The following TNRC6C variants were observed in gnomAD, a reference collection of about 807,000 sequenced individuals.
The protein encoded by TNRC6C is trinucleotide repeat-containing gene 6C protein.
A neutral mutation model predicts 153.7 loss-of-function variants in TNRC6C; 20 were observed. That is an observed-to-expected ratio of 0.13 (90% CI 0.09 to 0.19). TNRC6C has a LOEUF of 0.19. Ranked by LOEUF, TNRC6C falls within the 10% of genes least tolerant of loss-of-function variation. The probability of loss-of-function intolerance (pLI) is 1.00; values close to 1 mark genes in which losing one functional copy is unlikely to be tolerated. For missense variants in TNRC6C, 1,987 were observed against 2,172.0 expected, an observed-to-expected ratio of 0.91 and a Z score of 1.69; for synonymous variants, 811 against 841.4, an observed-to-expected ratio of 0.96 and a Z score of 0.63.
At chr17:78,045,972 A>AC (rs2072401399) in intron 2 of TNRC6C, among the ~76,000 whole-genome samples, 1 of 151,284 alleles carries the variant, frequency 6.6e-6, no homozygotes. Flanking sequence ...TCCCCATCCC[A>AC]CCCCCAGAGG....
At chr17:78,040,649 C>T (rs530700931) in intron 2 of TNRC6C, among the ~76,000 whole-genome samples, 1 of 152,286 alleles carries the variant, frequency 6.6e-6, no homozygotes, top group African/African-American at 2.4e-5. Context: ...AGCCAATAGG[C>T]AAAATGCCGT....
intron 1 of TNRC6C, among the ~76,000 whole-genome samples, chr17:77,996,050 A>G (rs568658650): frequency 2.0e-5 from 3 of 152,134 alleles, no homozygotes; most frequent in Non-Finnish European, 4.4e-5. Context: ...TTTAACCTGG[A>G]AGAAAGAGTG....
At chr17:78,093,407 G>A (rs778531489) in intron 15 of TNRC6C, 1 of 704,660 alleles carries the variant, frequency 1.4e-6, no homozygotes, top group Non-Finnish European at 2.3e-6. Context: ...CCAACCCTGT[G>A]TGAAAACTAG....
intron 10 of TNRC6C, among the ~76,000 whole-genome samples, chr17:78,081,262 A>G (rs1237376473): frequency 6.6e-6 from 1 of 151,284 alleles, no homozygotes; most frequent in African/African-American, 2.4e-5. Context: ...TTGGGTTTCA[A>G]CATAGGAATT....
intron 9 of TNRC6C, 42 bp downstream of exon 11, chr17:78,077,376 C>A: frequency 6.4e-7 from 1 of 1,554,006 alleles, no homozygotes; most frequent in Non-Finnish European, 8.7e-7. Flanking sequence ...CTTTGTTTTA[C>A]CTGCCTTCTA....
chr17:78,070,800 AT>A, intron 5 of TNRC6C, among the ~76,000 whole-genome samples: 1 of 152,318 alleles, frequency 6.6e-6, no homozygotes, highest in East Asian at 1.9e-4. Context: ...AGTAGTCTAT[AT>A]TTGTGATAAA....
intron 1 of TNRC6C, among the ~76,000 whole-genome samples, chr17:77,977,891 CTTTTTTTTT>C (rs528315933): frequency 8.8e-6 from 1 of 114,138 alleles, no homozygotes; most frequent in Non-Finnish European, 1.8e-5. Context: ...TTTAAAACCT[CTTTTTTTTT>C]TTTTTTTTTT....
chr17:77,962,345 C>T lies in TNRC6C; in HGVS notation c.-38+3077C>T, dbSNP rs142357764. 1.1e-3 allele frequency among the ~76,000 whole-genome samples: 174 copies of T among 152,262 alleles called. 1 individual carries two copies. The highest frequency in any genetic ancestry group is 4.0e-3 in the African/African-American group (165 of 41,542). On this transcript the variant is annotated intron_variant, in intron 1 of 22. Transcript: ENST00000636222. The stretch of plus-strand genomic sequence containing the variant: ...GCTTATGCTTTGGATGACTGTTTAT[C>T]TTTCAGTCAGGGTTTATTGTGCAAA...
chr17:78,104,909 C>A lies in TNRC6C; in HGVS notation c.*64C>A. The stretch of plus-strand genomic sequence containing the variant: ...CGGGACCCCTCCCGGCTGGGCGGCC[C>A]CACAGACCCGCTGGAACCCAGCAGC... On this transcript the variant is annotated 3_prime_UTR_variant, in exon 20 of 20. Transcript: ENST00000301624. The surrounding 1 kb of genome is among the most constrained non-coding windows in gnomAD (Gnocchi z 6.2). 1 of 1,370,776 alleles carries A rather than the reference C, an allele frequency of 7.3e-7. No homozygotes were observed. Among genetic ancestry groups the A allele is most frequent in the Non-Finnish European group, 9.4e-7 (1 of 1,067,086 alleles). The allele number at this position is 1,370,776 out of a possible 1,614,324, so 84.9% of individuals were successfully genotyped here.
intron 1 of TNRC6C, among the ~76,000 whole-genome samples, chr17:78,011,089 A>G (rs1055075913): frequency 1.3e-5 from 2 of 152,354 alleles, no homozygotes; most frequent in Admixed American, 6.5e-5. Context: ...AGTTTAGACA[A>G]AGTTACAGTT....
chr17:77,986,263 A>G (rs187633055), intron 1 of TNRC6C, among the ~76,000 whole-genome samples: 1 of 152,146 alleles, frequency 6.6e-6, no homozygotes, highest in Admixed American at 6.5e-5. Context: ...TAAAAATACA[A>G]AATTAGCCAG....
At chr17:78,091,481 ACCG>A in exon 14 of TNRC6C, 5 of 1,607,832 alleles carry the variant, frequency 3.1e-6, no homozygotes, top group Non-Finnish European at 4.2e-6. Context: ...CATGGACATG[ACCG>A]GTGGCTTGTC....
chr17:77,962,963 G>C (rs774857913), intron 1 of TNRC6C, among the ~76,000 whole-genome samples: 3 of 152,234 alleles, frequency 2.0e-5, no homozygotes, highest in Non-Finnish European at 2.9e-5. Flanking sequence ...CAGGTGAGAA[G>C]TGGCTCCTAT....
chr17:77,992,974 T>A (rs2071274688), intron 1 of TNRC6C, among the ~76,000 whole-genome samples: 1 of 150,178 alleles, frequency 6.7e-6, no homozygotes, highest in Non-Finnish European at 1.5e-5. Flanking sequence ...TTTATTTTTA[T>A]TTTTTTTTTG....
intron 1 of TNRC6C, among the ~76,000 whole-genome samples, chr17:78,006,536 TCTTCTTCTTCTTCTTCTTCTTCTTC>T (rs1218034169): frequency 1.1e-4 from 16 of 141,682 alleles, no homozygotes; most frequent in South Asian, 2.3e-4. Flanking sequence ...TTCTTCTTCT[TCTTCTTCTTCTTCTTCTTCTTCTTC>T]CTTCTTCCTT....
chr17:78,015,525 T>C (rs1257501884), intron 1 of TNRC6C, among the ~76,000 whole-genome samples: 1 of 152,242 alleles, frequency 6.6e-6, no homozygotes, highest in Non-Finnish European at 1.5e-5. Flanking sequence ...TAATTGAGGA[T>C]CCTTTTAACA....
At chr17:78,050,562 T>A in exon 3 of TNRC6C, 1 of 1,610,022 alleles carries the variant, frequency 6.2e-7, no homozygotes. Flanking sequence ...TCATGAACAG[T>A]ACAAATACCT....
chr17:77,974,477 C>A (rs1407589074), intron 1 of TNRC6C, among the ~76,000 whole-genome samples: 3 of 151,396 alleles, frequency 2.0e-5, no homozygotes, highest in Admixed American at 2.0e-4. Flanking sequence ...TTCATTACCA[C>A]CCCCGCCCCG....
chr17:78,052,700 A>G (rs1448450933), intron 3 of TNRC6C, among the ~76,000 whole-genome samples: 2 of 152,064 alleles, frequency 1.3e-5, no homozygotes, highest in Non-Finnish European at 2.9e-5. Context: ...ACTGCCCTAC[A>G]GGACCTCCCC....
Sources: allele counts gnomAD v4.1 joint callset (sites outside exome capture counted in the v4.1 genomes callset), GRCh38; gene constraint gnomAD v4.1.1; non-coding constraint Gnocchi (gnomAD v3.1); transcripts MANE v1.5; gene names NCBI Gene and HGNC (gene_info 2026-07-23, HGNC 2026-07-21).